The following LRP1 variants were observed in gnomAD, a reference collection of about 807,000 sequenced individuals.
LRP1 encodes the protein LDL receptor related protein 1, also known as prolow-density lipoprotein receptor-related protein 1.
LRP1 carries 51 observed loss-of-function variants against 541.5 expected under a neutral mutation model. The ratio of observed to expected loss-of-function variants is 0.09; its 90% CI spans 0.08 to 0.12. The LOEUF is 0.12. Among genes scored for constraint, LRP1 ranks in the 10% least tolerant of loss-of-function variants. The pLI, the probability that LRP1 is intolerant of heterozygous loss-of-function variation, is 1.00. For missense variants in LRP1, 3,878 were observed against 6,376.2 expected, an observed-to-expected ratio of 0.61 and a Z score of 13.34; for synonymous variants, 2,219 against 2,470.8, an observed-to-expected ratio of 0.90 and a Z score of 3.02.
Position 57,179,916 on chromosome 12 carries a change from C to A in LRP1, c.5101C>A (p.Leu1701Met). 3.7e-6 allele frequency: 6 copies of A among 1,614,150 alleles called. No homozygotes were observed. Among genetic ancestry groups the A allele is most frequent in the Non-Finnish European group, 5.1e-6 (6 of 1,180,036 alleles). ...GSFKNAVVQG[L>M]EQPHGLVVHP... ...CTTCAAGAACGCAGTGGTGCAGGGC[C>A]TGGAGCAGCCCCATGGCCTTGTCGT... Residue 1701 changes from leucine (L) to methionine (M), a missense_variant, in exon 30 of 89, where the codon CTG becomes ATG. By Grantham distance (15) the Leu-to-Met change is conservative (BLOSUM62 2). Transcript: ENST00000243077. This position sits in a 1 kb window ranked among gnomAD's most constrained non-coding sequence, Gnocchi z 6.8.
At chr12:57,191,876 C>CA (rs1565743891) in intron 44 of LRP1, among the ~76,000 whole-genome samples, 2 of 40,744 alleles carry the variant, frequency 4.9e-5, no homozygotes, top group African/African-American at 1.3e-4. Context: ...ACCACACATA[C>CA]CACACACACC....
intron 6 of LRP1, among the ~76,000 whole-genome samples, chr12:57,153,142 G>A (rs144031821): frequency 7.9e-4 from 121 of 152,338 alleles, no homozygotes; most frequent in African/African-American, 2.8e-3. Flanking sequence ...AGGGGTCCCA[G>A]AAAGTCACTG....
chr12:57,210,127 G>A lies in LRP1; in HGVS notation c.12538G>A (p.Gly4180Ser), dbSNP rs199833827. The A allele has an allele frequency of 3.2e-5, 52 of 1,612,616 alleles. No homozygotes were observed. Among genetic ancestry groups the A allele is most frequent in the Non-Finnish European group, 4.2e-5 (49 of 1,179,476 alleles). ...TCCCAATGGGAAGCGGCTGGACAAC[G>A]GCACATGCGTGCCTGTGCCCTCTCC... ...TCPNGKRLDN[G>S]TCVPVPSPTP... The change falls in exon 81 of 89, where the codon GGC becomes AGC. Residue 4180 changes from glycine to serine, a missense_variant. Physicochemically the swap from Gly to Ser is moderately conservative, Grantham distance 56. Transcript: ENST00000243077.
At chr12:57,196,333 T>C in intron 55 of LRP1, 56 bp downstream of exon 55, 2 of 1,415,814 alleles carry the variant, frequency 1.4e-6, no homozygotes, top group Non-Finnish European at 1.9e-6. Context: ...GGAACGCCTT[T>C]CTCCACTGCC....
rs1565738528 is a variant in LRP1 at position 57,183,309 on chromosome 12, G to A, written c.5663-70G>A. 1.9e-5 allele frequency: 29 copies of A among 1,506,956 alleles called. No individual in the cohort carries two copies. Among genetic ancestry groups the A allele is most frequent in the Non-Finnish European group, 2.3e-5 (25 of 1,100,508 alleles). The allele number at this position is 1,506,956 out of a possible 1,614,324, so 93.3% of individuals were successfully genotyped here. A position where few individuals can be genotyped will look rare whatever the true frequency, so the allele number is the denominator to read the frequency against. On this transcript the variant is annotated intron_variant, in intron 34 of 88. Coordinates refer to ENST00000243077, the MANE Select transcript of LRP1 (RefSeq NM_002332.3). The surrounding 1 kb of genome is among the most constrained non-coding windows in gnomAD (Gnocchi z 6.1). ...ATCAAAGGAGAAGCAGAGAACAGTT[G>A]GAGGGTGACAGGAACCAAGTTTAAG...
rs1198784489 is a variant in LRP1 at position 57,178,389 on chromosome 12, C to T, written c.4392C>T (p.Asp1464=). Reference sequence around the variant, plus strand: ...ATGCCATTTACTCAGCCCGTTACGACGGCTCTGGCCACATGGAGGTGCTTC... The same window carrying T: ...ATGCCATTTACTCAGCCCGTTACGATGGCTCTGGCCACATGGAGGTGCTTC... ...RSDAIYSARY[D]GSGHMEVLRG... Residue 1464 remains aspartate (D), a synonymous_variant, in exon 27 of 89, where the codon GAC becomes GAT. Transcript: ENST00000243077. This position sits in a 1 kb window ranked among gnomAD's most constrained non-coding sequence, Gnocchi z 5.8. 1.9e-5 allele frequency: 30 copies of T among 1,614,044 alleles called. No individual in the cohort carries two copies. The highest frequency in any genetic ancestry group is 8.0e-5 in the African/African-American group (6 of 74,934).
chr12:57,199,425 G>T, intron 61 of LRP1, 25 bp downstream of exon 61: 1 of 1,596,980 alleles, frequency 6.3e-7, no homozygotes, highest in Non-Finnish European at 8.5e-7. Flanking sequence ...GGTGGGAGCA[G>T]GCGAACGGTG....
intron 6 of LRP1, among the ~76,000 whole-genome samples, chr12:57,146,037 C>A (rs1035704970): frequency 2.6e-5 from 4 of 152,122 alleles, no homozygotes; most frequent in East Asian, 1.9e-4. Flanking sequence ...GGGAGAGGAG[C>A]GTGAGCCACA....
chr12:57,180,880 G>A (rs1205261389), intron 33 of LRP1, 73 bp downstream of exon 33: 13 of 1,585,880 alleles, frequency 8.2e-6, no homozygotes, highest in Non-Finnish European at 1.1e-5. Flanking sequence ...CAGGCTGCAG[G>A]GCCATGGGGC....
Position 57,178,779 on chromosome 12 carries a change from T to C in LRP1, c.4607-111T>C. ...CTAGCAGCAGAGAAGGGTCTAGTAG[T>C]AGCGGCTGCTGGAACAGGGGGAGGA... On this transcript the variant is annotated intron_variant, in intron 27 of 88. Coordinates refer to ENST00000243077, the MANE Select transcript of LRP1 (RefSeq NM_002332.3). The surrounding 1 kb of genome is among the most constrained non-coding windows in gnomAD (Gnocchi z 5.8). 3 of 1,510,432 alleles carry C rather than the reference T, an allele frequency of 2.0e-6. No individual in the cohort carries two copies. Among genetic ancestry groups the C allele is most frequent in the South Asian group, 2.5e-5 (2 of 79,132 alleles). The allele number at this position is 1,510,432 out of a possible 1,614,324, so 93.6% of individuals were successfully genotyped here. A position where few individuals can be genotyped will look rare whatever the true frequency, so the allele number is the denominator to read the frequency against.
chr12:57,185,324 TC>T lies in LRP1; in HGVS notation c.6463+121del. 1 of 1,446,746 alleles carries T rather than the reference TC, an allele frequency of 6.9e-7. No individual in the cohort carries two copies. The highest frequency in any genetic ancestry group is 9.4e-7 in the Non-Finnish European group (1 of 1,064,490). The allele number at this position is 1,446,746 out of a possible 1,614,324, so 89.6% of individuals were successfully genotyped here. A position where few individuals can be genotyped will look rare whatever the true frequency, so the allele number is the denominator to read the frequency against. ...GACAAGTTAGACCCATGGGGCAACT[TC>T]CGATGGCCCGAGAGACCCAGGGATG... On this transcript the variant is annotated intron_variant, in intron 40 of 88. Coordinates refer to ENST00000243077, the MANE Select transcript of LRP1 (RefSeq NM_002332.3). The surrounding 1 kb of genome is among the most constrained non-coding windows in gnomAD (Gnocchi z 4.9).
chr12:57,185,104 A>C lies in LRP1; in HGVS notation c.6362A>C (p.Lys2121Thr). The C allele has an allele frequency of 6.2e-7, 1 of 1,614,068 alleles. No homozygotes were observed. Among genetic ancestry groups the C allele is most frequent in the Non-Finnish European group, 8.5e-7 (1 of 1,180,012 alleles). The change falls in exon 40 of 89, where the codon AAG becomes ACG. Residue 2121 changes from lysine (K) to threonine (T), a missense_variant. Coordinates refer to ENST00000243077, the MANE Select transcript of LRP1 (RefSeq NM_002332.3). The surrounding 1 kb of genome is among the most constrained non-coding windows in gnomAD (Gnocchi z 4.9). ...AGGACTCATGCCAACGGCTCTATCAAGCGCGGGAGCAAAGACAATGCCACA... is the reference window on the plus strand; with the variant it reads ...AGGACTCATGCCAACGGCTCTATCACGCGCGGGAGCAAAGACAATGCCACA... ...SDRTHANGSI[K>T]RGSKDNATDS...
In LRP1 at chr12:57,197,175, G is replaced by A. The variant is rs536509912; in HGVS notation, c.9076+10G>A. 6.2e-5 allele frequency: 100 copies of A among 1,613,870 alleles called. No individual in the cohort carries two copies. The highest frequency in any genetic ancestry group is 7.6e-5 in the Non-Finnish European group (90 of 1,179,982). Reference sequence around the variant, plus strand: ...TGCAAGGCTGTGACTGGTGAGATGCGCGCTTGGAGGGCATGAGGTGACCCA... The same window carrying A: ...TGCAAGGCTGTGACTGGTGAGATGCACGCTTGGAGGGCATGAGGTGACCCA... On this transcript the variant is annotated intron_variant, in intron 56 of 88. Coordinates refer to ENST00000243077, the MANE Select transcript of LRP1 (RefSeq NM_002332.3). This position sits in a 1 kb window ranked among gnomAD's most constrained non-coding sequence, Gnocchi z 4.5.
At position 57,161,769 on chromosome 12, in the gene LRP1, A is replaced by AGG. The variant is rs201524902; in HGVS notation, c.2203-545_2203-544dup. ...CTCCTCTTCCCCTGGCAGACTGCTC[A>AGG]GGGGCTACCTCCCCTAGGATGTCAT... On this transcript the variant is annotated intron_variant, in intron 13 of 88. Transcript: ENST00000243077. 2.1e-3 allele frequency among the ~76,000 whole-genome samples: 318 copies of AGG among 152,210 alleles called. 6 individuals carry two copies. The East Asian group carries it at 0.054, about 26-fold the overall frequency.
chr12:57,179,138 G>T lies in LRP1; in HGVS notation c.4738+117G>T. The stretch of plus-strand genomic sequence containing the variant: ...CCCAGTCGGGAGGGTCCCGATAGGA[G>T]AGGCTCCAGAGACAGCCACTGTGAG... On this transcript the variant is annotated intron_variant, in intron 28 of 88. Transcript: ENST00000243077. The surrounding 1 kb of genome is among the most constrained non-coding windows in gnomAD (Gnocchi z 6.8). The T allele has an allele frequency of 7.1e-7, 1 of 1,406,028 alleles. No individual in the cohort carries two copies. Among genetic ancestry groups the T allele is most frequent in the East Asian group, 2.4e-5 (1 of 41,676 alleles). The allele number at this position is 1,406,028 out of a possible 1,614,324, so 87.1% of individuals were successfully genotyped here.
At chr12:57,209,334 G>T in intron 79 of LRP1, 135 bp downstream of exon 79, 4 of 733,142 alleles carry the variant, frequency 5.5e-6, no homozygotes, top group South Asian at 1.8e-5. Context: ...CGCCTTCCAG[G>T]CCTCTCCAGC....
intron 2 of LRP1, among the ~76,000 whole-genome samples, chr12:57,140,346 T>C (rs988906262): frequency 6.6e-6 from 1 of 152,208 alleles, no homozygotes; most frequent in African/African-American, 2.4e-5. Context: ...AAGCCACATG[T>C]GCTATTTTGA....
intron 42 of LRP1, among the ~76,000 whole-genome samples, chr12:57,190,164 G>T (rs2036349758): frequency 6.6e-6 from 1 of 152,182 alleles, no homozygotes; most frequent in African/African-American, 2.4e-5. Context: ...GTACGGAGAA[G>T]GGGACTCTTG....
In LRP1 at chr12:57,206,700, C is replaced by A; in HGVS notation, c.11818C>A (p.Arg3940Ser). 6.2e-7 allele frequency: 1 copy of A among 1,613,464 alleles called. No individual in the cohort carries two copies. The highest frequency in any genetic ancestry group is 8.5e-7 in the Non-Finnish European group (1 of 1,180,030). Residue 3940 changes from arginine to serine, a missense_variant, in exon 76 of 89, where the codon CGC becomes AGC. Arg to Ser is a moderately radical substitution (Grantham distance 110, BLOSUM62 -1). This residue lies in a region of LRP1 where 871 missense variants were observed against 1,212.4 expected (regional missense o/e 0.72). Transcript: ENST00000243077. The surrounding 1 kb of genome is among the most constrained non-coding windows in gnomAD (Gnocchi z 4.7). Reference protein sequence around the residue: ...PPAAPPTTSNRHRRQIDRGVT... With the variant: ...PPAAPPTTSNSHRRQIDRGVT... ...TGCTGCGCCTCCTACCACTTCCAACCGCCACCGGCGACAGATTGACCGGGG... is the reference window on the plus strand; with the variant it reads ...TGCTGCGCCTCCTACCACTTCCAACAGCCACCGGCGACAGATTGACCGGGG...
Sources: gnomAD v4.1 joint callset for allele counts (sites outside exome capture counted in the v4.1 genomes callset) on GRCh38, gnomAD v4.1.1 for gene constraint, gnomAD v4.1.1 regional missense constraint, Gnocchi (gnomAD v3.1) non-coding constraint, MANE v1.5 for transcripts, NCBI Gene and HGNC (gene_info 2026-07-23, HGNC 2026-07-21) for gene names.